DLG2: variants seen among roughly 807,000 people sequenced by gnomAD.
DLG2 encodes the protein disks large homolog 2.
In DLG2, 45 loss-of-function variants were observed where a neutral mutation model predicts 132.5. That is an observed-to-expected ratio of 0.34 (90% CI 0.27 to 0.44). DLG2 has a LOEUF of 0.44. Among genes scored for constraint, DLG2 ranks in the 20% least tolerant of loss-of-function variants. DLG2 has a pLI of 1.00. For synonymous variants in DLG2, 424 were observed against 419.6 expected (o/e 1.01, Z -0.13); for missense variants, 1,045 against 1,196.9 (o/e 0.87, Z 1.87).
intron 8 of DLG2, among the ~76,000 whole-genome samples, chr11:84,233,221 G>C (rs1383152513): frequency 6.6e-6 from 1 of 152,180 alleles, no homozygotes; most frequent in Non-Finnish European, 1.5e-5. Context: ...GTGATGGTCA[G>C]GTAGTTAACC....
intron 25 of DLG2, among the ~76,000 whole-genome samples, chr11:83,467,771 GTATATATATATA>G (rs1192401405): frequency 0.011 from 955 of 85,036 alleles, 34 homozygotes; most frequent in African/African-American, 0.024. Context: ...AAAACTATAT[GTATATATATATA>G]TATATATATA....
chr11:83,828,846 T>G (rs986244950), intron 17 of DLG2, among the ~76,000 whole-genome samples: 2 of 152,122 alleles, frequency 1.3e-5, no homozygotes, highest in South Asian at 4.2e-4. Flanking sequence ...CTCTTCTCTT[T>G]CTTCAGTGTG....
At chr11:85,086,335 A>T (rs1443369169) in intron 6 of DLG2, among the ~76,000 whole-genome samples, 1 of 152,110 alleles carries the variant, frequency 6.6e-6, no homozygotes, top group Non-Finnish European at 1.5e-5. Context: ...CATCAAATAA[A>T]CTCTTCTGAA....
At chr11:84,870,869 AT>A in intron 6 of DLG2, among the ~76,000 whole-genome samples, 1 of 152,332 alleles carries the variant, frequency 6.6e-6, no homozygotes, top group African/African-American at 2.4e-5. Context: ...TTGGACCTGA[AT>A]TTACAACAAA....
chr11:84,827,709 G>T (rs1396682418), intron 6 of DLG2, among the ~76,000 whole-genome samples: 1 of 105,876 alleles, frequency 9.4e-6, no homozygotes, highest in African/African-American at 3.6e-5. Context: ...GCCCAGGTCA[G>T]AAATACAAAC....
chr11:84,770,643 C>CTT (rs34470318), intron 6 of DLG2, among the ~76,000 whole-genome samples: 49,040 of 140,186 alleles, frequency 0.35, 9,992 homozygotes, highest in Non-Finnish European at 0.46. Context: ...TGATTTCATT[C>CTT]TTTTTTTTTT....
At chr11:83,965,690 G>A (rs557102581) in intron 12 of DLG2, among the ~76,000 whole-genome samples, 1 of 152,056 alleles carries the variant, frequency 6.6e-6, no homozygotes, top group East Asian at 1.9e-4. Flanking sequence ...GTGATATACA[G>A]TAATGGAATT....
At chr11:83,607,357 T>C (rs1298748476) in intron 19 of DLG2, among the ~76,000 whole-genome samples, 1 of 152,168 alleles carries the variant, frequency 6.6e-6, no homozygotes, top group South Asian at 2.1e-4. Context: ...TCTCATACTC[T>C]CAATTCACAG....
intron 10 of DLG2, among the ~76,000 whole-genome samples, chr11:84,086,159 ATCT>A (rs1380254971): frequency 6.6e-6 from 1 of 152,208 alleles, no homozygotes; most frequent in African/African-American, 2.4e-5. Context: ...CAAATCAAAG[ATCT>A]TCTTTAACAG....
chr11:85,066,312 C>G (rs2064912131), intron 6 of DLG2, among the ~76,000 whole-genome samples: 1 of 151,442 alleles, frequency 6.6e-6, no homozygotes, highest in Admixed American at 6.6e-5. Flanking sequence ...ATAAAAAACT[C>G]CCCTCCCAAA....
intron 6 of DLG2, among the ~76,000 whole-genome samples, chr11:84,994,995 A>T (rs2154127309): frequency 6.6e-6 from 1 of 152,292 alleles, no homozygotes; most frequent in African/African-American, 2.4e-5. Flanking sequence ...TCTGAATGCA[A>T]GAAATCTCCT....
chr11:83,833,371 G>C (rs2055140331), intron 17 of DLG2, among the ~76,000 whole-genome samples: 1 of 152,192 alleles, frequency 6.6e-6, no homozygotes, highest in South Asian at 2.1e-4. Flanking sequence ...CCGGGAGGCA[G>C]AGGTTGCAGT....
chr11:84,784,347 A>C, intron 6 of DLG2, among the ~76,000 whole-genome samples: 1 of 146,136 alleles, frequency 6.8e-6, no homozygotes, highest in African/African-American at 2.5e-5. Flanking sequence ...TAAATAAATA[A>C]ATAAATAAAT....
chr11:84,673,916 G>A (rs1329114697), intron 6 of DLG2, among the ~76,000 whole-genome samples: 1 of 152,086 alleles, frequency 6.6e-6, no homozygotes, highest in Non-Finnish European at 1.5e-5. Context: ...GCAAATGCTG[G>A]CTTGCTGTCT....
At chr11:85,057,303 T>A (rs1052962640) in intron 6 of DLG2, among the ~76,000 whole-genome samples, 1 of 151,722 alleles carries the variant, frequency 6.6e-6, no homozygotes, top group South Asian at 2.1e-4. Context: ...CCATCTATTA[T>A]AAATGATCAA....
At chr11:84,623,506 TATA>T (rs1241451827) in intron 6 of DLG2, among the ~76,000 whole-genome samples, 2 of 152,104 alleles carry the variant, frequency 1.3e-5, no homozygotes, top group African/African-American at 4.8e-5. Flanking sequence ...GAAATATTAT[TATA>T]ATATTATCAC....
intron 17 of DLG2, chr11:83,790,346 C>A (rs2041204273): frequency 1.1e-6 from 1 of 877,902 alleles, no homozygotes; most frequent in Admixed American, 1.9e-5. Context: ...GTCTTCAGAA[C>A]TGTCCCAATC....
At position 84,063,684 on chromosome 11, in the gene DLG2, T is replaced by C. The variant is rs188598267; in HGVS notation, c.750-4200A>G. Among the ~76,000 whole-genome samples the C allele has an allele frequency of 4.7e-4, 72 of 152,222 alleles. 1 individual carries two copies. The highest frequency in any genetic ancestry group is 1.6e-3 in the African/African-American group (67 of 41,540). On this transcript the variant is annotated intron_variant, in intron 10 of 27. Coordinates refer to ENST00000376104, the MANE Select transcript of DLG2 (RefSeq NM_001142699.3). ...CACACGTATGTTTATTGCGGCACTATTCACAATAGCAAAGACTTGGAACCA... is the reference window on the plus strand; with the variant it reads ...CACACGTATGTTTATTGCGGCACTACTCACAATAGCAAAGACTTGGAACCA...
chr11:83,480,286 A>G, intron 22 of DLG2: 1 of 1,101,414 alleles, frequency 9.1e-7, no homozygotes, highest in Non-Finnish European at 1.3e-6. Flanking sequence ...TAGCAATTGA[A>G]AAACAACAAC....
Sources: allele counts gnomAD v4.1 joint callset (sites outside exome capture counted in the v4.1 genomes callset), GRCh38; gene constraint gnomAD v4.1.1; transcripts MANE v1.5; gene names NCBI Gene and HGNC (gene_info 2026-07-23, HGNC 2026-07-21).